Variants in FHIT observed in about 807,000 individuals in gnomAD.
FHIT encodes the protein bis(5'-adenosyl)-triphosphatase.
A neutral mutation model predicts 17.9 loss-of-function variants in FHIT; 19 were observed. That is an observed-to-expected ratio of 1.06 (90% confidence interval 0.74 to 1.56). The LOEUF (loss-of-function observed/expected upper bound fraction) is 1.56, where lower values mean the gene tolerates loss of function less well. FHIT is among the 40% of genes most tolerant of loss of function. The probability of loss-of-function intolerance (pLI) is 0.00; values close to 1 mark genes in which losing one functional copy is unlikely to be tolerated. For synonymous variants in FHIT, 81 were observed against 69.7 expected (o/e 1.16, Z -0.81); for missense variants, 248 against 189.2 (o/e 1.31, Z -1.82).
At chr3:60,453,819 A>C (rs1054942519) in intron 5 of FHIT, among the ~76,000 whole-genome samples, 24 of 152,188 alleles carry the variant, frequency 1.6e-4, no homozygotes, top group African/African-American at 5.1e-4. Context: ...GTATTATCAT[A>C]AGTGTCACAA....
intron 5 of FHIT, among the ~76,000 whole-genome samples, chr3:60,181,335 G>A (rs1050395584): frequency 5.9e-5 from 9 of 151,702 alleles, no homozygotes; most frequent in African/African-American, 9.7e-5. Context: ...TAGTAGATAC[G>A]GTGTTCCACC....
At chr3:60,918,986 G>GT (rs782681417) in intron 3 of FHIT, among the ~76,000 whole-genome samples, 16 of 151,960 alleles carry the variant, frequency 1.1e-4, no homozygotes, top group Non-Finnish European at 1.8e-4. Flanking sequence ...ACTTCTATGG[G>GT]TAAAAAAAAG....
chr3:60,085,390 A>G (rs185193842), intron 5 of FHIT, among the ~76,000 whole-genome samples: 61 of 152,202 alleles, frequency 4.0e-4, no homozygotes, highest in Non-Finnish European at 4.3e-4. Context: ...CACTTACATT[A>G]TATCTTCCCT....
chr3:59,898,863 C>T (rs1432064505), intron 8 of FHIT, among the ~76,000 whole-genome samples: 1 of 152,160 alleles, frequency 6.6e-6, no homozygotes, highest in Admixed American at 6.5e-5. Flanking sequence ...TTGAACATGA[C>T]ATGCCAGGTA....
chr3:60,823,794 T>A (rs562642575), intron 3 of FHIT, among the ~76,000 whole-genome samples: 3 of 152,078 alleles, frequency 2.0e-5, no homozygotes, highest in African/African-American at 7.2e-5. Context: ...AGCAAGGAGA[T>A]CAGGAAAGAT....
chr3:60,092,226 T>A (rs1473395535), intron 5 of FHIT, among the ~76,000 whole-genome samples: 2 of 152,184 alleles, frequency 1.3e-5, no homozygotes, highest in Non-Finnish European at 2.9e-5. Context: ...AGTGTACTTG[T>A]TTCATAATTG....
intron 5 of FHIT, among the ~76,000 whole-genome samples, chr3:60,422,722 T>G (rs961745429): frequency 1.5e-4 from 23 of 152,128 alleles, no homozygotes; most frequent in African/African-American, 5.5e-4. Context: ...TCTTCTCCCC[T>G]AATCTCTTCC....
intron 5 of FHIT, among the ~76,000 whole-genome samples, chr3:60,259,252 C>G (rs990301010): frequency 3.3e-5 from 5 of 152,074 alleles, no homozygotes; most frequent in African/African-American, 1.2e-4. Flanking sequence ...AAAACTAAAA[C>G]TACTGGAAAT....
chr3:61,221,335 A>T (rs1480537742), intron 1 of FHIT, among the ~76,000 whole-genome samples: 1 of 152,230 alleles, frequency 6.6e-6, no homozygotes, highest in Admixed American at 6.5e-5. Flanking sequence ...TCCTCTCCCA[A>T]ACTCTAATAG....
intron 3 of FHIT, among the ~76,000 whole-genome samples, chr3:61,033,952 A>G (rs1416906475): frequency 2.0e-5 from 3 of 152,180 alleles, no homozygotes; most frequent in Non-Finnish European, 4.4e-5. Context: ...CACAAAGGAG[A>G]CACTCTGAAG....
intron 8 of FHIT, among the ~76,000 whole-genome samples, chr3:59,768,916 T>C (rs887109991): frequency 6.6e-6 from 1 of 152,256 alleles, no homozygotes; most frequent in Non-Finnish European, 1.5e-5. Context: ...CTATATTTAC[T>C]GAATCAAACT....
At chr3:60,462,566 G>C (rs959758072) in intron 5 of FHIT, among the ~76,000 whole-genome samples, 8 of 152,196 alleles carry the variant, frequency 5.3e-5, no homozygotes, top group Non-Finnish European at 1.0e-4. Flanking sequence ...AGAGCGGAAA[G>C]CAGGGTAGTG....
chr3:60,702,863 C>T (rs1276429577), intron 4 of FHIT, among the ~76,000 whole-genome samples: 1 of 151,868 alleles, frequency 6.6e-6, no homozygotes, highest in Non-Finnish European at 1.5e-5. Context: ...ATAAATATTC[C>T]TTATTGTGTT....
Position 59,747,524 on chromosome 3 carries a change from G to A in FHIT, c.*2061C>T, listed in dbSNP as rs116554869. ...AGCTACAATTCAAGATGAGATGTGG[G>A]TGGGGAAACAGCCAAATCGTATAAC... On this transcript the variant is annotated 3_prime_UTR_variant, in exon 10 of 10. Coordinates refer to ENST00000492590, the MANE Select transcript of FHIT (RefSeq NM_002012.4). Among the ~76,000 whole-genome samples the A allele has an allele frequency of 2.3e-3, 354 of 152,250 alleles. 1 individual carries two copies. Among genetic ancestry groups the A allele is most frequent in the African/African-American group, 8.3e-3 (345 of 41,546 alleles).
At chr3:60,187,271 T>C (rs541769734) in intron 5 of FHIT, among the ~76,000 whole-genome samples, 1 of 152,242 alleles carries the variant, frequency 6.6e-6, no homozygotes, top group African/African-American at 2.4e-5. Context: ...TGTCATTAAA[T>C]TGGCTTCACA....
chr3:61,109,093 G>C (rs112117138), intron 2 of FHIT, among the ~76,000 whole-genome samples: 2 of 152,286 alleles, frequency 1.3e-5, no homozygotes, highest in African/African-American at 4.8e-5. Flanking sequence ...CATTTTATTG[G>C]AGGTAGGGAA....
intron 4 of FHIT, among the ~76,000 whole-genome samples, chr3:60,685,606 C>T (rs2040844959): frequency 1.3e-5 from 2 of 152,182 alleles, no homozygotes. Flanking sequence ...CCATTCTGCA[C>T]ACTTCTCTTC....
intron 4 of FHIT, among the ~76,000 whole-genome samples, chr3:60,802,730 C>T (rs1419912211): frequency 1.3e-5 from 2 of 151,604 alleles, no homozygotes; most frequent in Non-Finnish European, 2.9e-5. Context: ...TAATATGCTG[C>T]CTTCAGAAGA....
chr3:59,943,124 C>T (rs73104555), intron 7 of FHIT, among the ~76,000 whole-genome samples: 12,664 of 139,136 alleles, frequency 0.091, 644 homozygotes, highest in Admixed American at 0.13. Flanking sequence ...CTCAAAAGCA[C>T]ATAGTTTTGC....
Sources: gnomAD v4.1 joint callset for allele counts (sites outside exome capture counted in the v4.1 genomes callset) on GRCh38, gnomAD v4.1.1 for gene constraint, MANE v1.5 for transcripts, NCBI Gene and HGNC (gene_info 2026-07-23, HGNC 2026-07-21) for gene names.